Variants in DCC observed in about 807,000 individuals in gnomAD.
The protein encoded by DCC is netrin receptor DCC.
A neutral mutation model predicts 172.5 loss-of-function variants in DCC; 58 were observed. The observed-to-expected ratio is 0.34, with a 90% confidence interval of 0.27 to 0.42. The LOEUF is 0.42. DCC is among the 10% of genes least tolerant of loss of function. DCC has a pLI of 1.00. For synonymous variants in DCC, 709 were observed against 644.5 expected, an observed-to-expected ratio of 1.10 and a Z score of -1.52; for missense variants, 1,740 against 1,791.0, an observed-to-expected ratio of 0.97 and a Z score of 0.51.
At chr18:53,238,869 CTGTTA>C (rs1365145572) in intron 12 of DCC, among the ~76,000 whole-genome samples, 1 of 152,130 alleles carries the variant, frequency 6.6e-6, no homozygotes, top group Non-Finnish European at 1.5e-5. Context: ...GGAACAATGT[CTGTTA>C]TGTGTCATGT....
At chr18:52,662,972 G>C (rs1030363082) in intron 1 of DCC, among the ~76,000 whole-genome samples, 1 of 152,038 alleles carries the variant, frequency 6.6e-6, no homozygotes. Context: ...TAAACACCCT[G>C]GGGACTAGGA....
chr18:52,461,669 C>T (rs991442260), intron 1 of DCC, among the ~76,000 whole-genome samples: 2 of 152,162 alleles, frequency 1.3e-5, no homozygotes, highest in African/African-American at 2.4e-5. Flanking sequence ...ACCACTGTTG[C>T]GTACATTGTC....
At chr18:52,768,403 T>C (rs1189885598) in intron 2 of DCC, among the ~76,000 whole-genome samples, 1 of 152,206 alleles carries the variant, frequency 6.6e-6, no homozygotes, top group Admixed American at 6.5e-5. Flanking sequence ...AATCTACAGA[T>C]GTGGTCAACA....
At chr18:53,039,737 G>T (rs192929982) in intron 5 of DCC, among the ~76,000 whole-genome samples, 4 of 152,034 alleles carry the variant, frequency 2.6e-5, no homozygotes, top group Non-Finnish European at 5.9e-5. Context: ...GGACCCCAGA[G>T]AATTTCACAT....
At chr18:52,604,305 G>A (rs188284858) in intron 1 of DCC, among the ~76,000 whole-genome samples, 24 of 152,174 alleles carry the variant, frequency 1.6e-4, no homozygotes, top group African/African-American at 5.5e-4. Flanking sequence ...TAGTCAGAAA[G>A]CTTCTCAAGG....
chr18:52,736,280 T>TAAA (rs11442996), intron 1 of DCC, among the ~76,000 whole-genome samples: 6 of 131,840 alleles, frequency 4.6e-5, no homozygotes, highest in Admixed American at 1.5e-4. Context: ...ACTGTAAACA[T>TAAA]AAAAAAAAAA....
At chr18:53,136,879 C>T (rs1361624971) in intron 7 of DCC, among the ~76,000 whole-genome samples, 2 of 152,126 alleles carry the variant, frequency 1.3e-5, no homozygotes, top group East Asian at 1.9e-4. Flanking sequence ...ATCATTTCTA[C>T]ATATGGCAGG....
intron 12 of DCC, among the ~76,000 whole-genome samples, chr18:53,245,002 G>C (rs1266347461): frequency 2.6e-5 from 4 of 152,014 alleles, no homozygotes; most frequent in Admixed American, 2.0e-4. Flanking sequence ...TGGTGGCTTA[G>C]TTACTTGTGA....
At chr18:53,369,902 T>C (rs145758460) in intron 15 of DCC, among the ~76,000 whole-genome samples, 2,511 of 151,998 alleles carry the variant, frequency 0.017, 35 homozygotes, top group Middle Eastern at 0.034. Context: ...TTATAGGAGA[T>C]ATTGGTCTGT....
At chr18:53,347,354 G>A (rs1201373190) in intron 15 of DCC, among the ~76,000 whole-genome samples, 2 of 152,146 alleles carry the variant, frequency 1.3e-5, no homozygotes, top group African/African-American at 2.4e-5. Context: ...TTGGTTTTTG[G>A]GGGGATTGTT....
chr18:52,832,830 A>T (rs1315261468), intron 2 of DCC, among the ~76,000 whole-genome samples: 2 of 152,174 alleles, frequency 1.3e-5, no homozygotes, highest in Non-Finnish European at 2.9e-5. Flanking sequence ...GTACACTTAT[A>T]AAATCTTTTC....
chr18:53,424,875 G>C (rs1039486624), intron 21 of DCC, among the ~76,000 whole-genome samples: 8 of 152,092 alleles, frequency 5.3e-5, no homozygotes, highest in African/African-American at 1.9e-4. Flanking sequence ...TAGTAGTTCT[G>C]GGGCTTTCCT....
intron 7 of DCC, among the ~76,000 whole-genome samples, chr18:53,119,923 C>T (rs868342687): frequency 5.3e-5 from 8 of 151,800 alleles, no homozygotes; most frequent in Middle Eastern, 3.4e-3. Context: ...CAAATTATGC[C>T]CCCAAAATGT....
chr18:52,616,654 G>C (rs188933546), intron 1 of DCC, among the ~76,000 whole-genome samples: 45 of 152,190 alleles, frequency 3.0e-4, no homozygotes, highest in African/African-American at 1.1e-3. Flanking sequence ...TTCAGAAACA[G>C]CTCATCCCTG....
chr18:53,191,259 G>A (rs2055362578), intron 9 of DCC, among the ~76,000 whole-genome samples: 1 of 151,894 alleles, frequency 6.6e-6, no homozygotes, highest in Non-Finnish European at 1.5e-5. Context: ...TAATTTTGAT[G>A]GTATGGTTCA....
intron 5 of DCC, among the ~76,000 whole-genome samples, chr18:53,008,162 G>A (rs368666165): frequency 5.3e-5 from 8 of 151,880 alleles, no homozygotes; most frequent in East Asian, 3.9e-4. Context: ...ATCTTTTTGT[G>A]ATTTGTTTTG....
At chr18:52,557,013 G>A (rs1442350) in intron 1 of DCC, among the ~76,000 whole-genome samples, 42,025 of 152,038 alleles carry the variant, frequency 0.28, 6,604 homozygotes, top group Middle Eastern at 0.37. Context: ...ATTGAAATAC[G>A]TAGCACGGTA....
intron 12 of DCC, among the ~76,000 whole-genome samples, chr18:53,304,563 C>A (rs1406418840): frequency 5.3e-5 from 8 of 152,072 alleles, no homozygotes; most frequent in Non-Finnish European, 2.9e-5. Flanking sequence ...GAAACTTTGG[C>A]CTCTGAGTTG....
At chr18:52,638,938 T>C (rs77988399) in intron 1 of DCC, among the ~76,000 whole-genome samples, 5 of 151,942 alleles carry the variant, frequency 3.3e-5, no homozygotes, top group Non-Finnish European at 5.9e-5. Context: ...TTCTCCAAGA[T>C]AGACCATATG....
Sources: gnomAD v4.1 joint callset for allele counts (sites outside exome capture counted in the v4.1 genomes callset) on GRCh38, gnomAD v4.1.1 for gene constraint, MANE v1.5 for transcripts, NCBI Gene and HGNC (gene_info 2026-07-23, HGNC 2026-07-21) for gene names.